The following POM121C variants were observed in gnomAD, a reference collection of about 807,000 sequenced individuals.
The protein encoded by POM121C is nuclear envelope pore membrane protein POM 121C.
POM121C carries 20 observed loss-of-function variants against 66.4 expected under a neutral mutation model. The observed-to-expected ratio is 0.30, with a 90% CI of 0.21 to 0.44. POM121C has a LOEUF of 0.44. Ranked by LOEUF, POM121C falls within the 20% of genes least tolerant of loss-of-function variation. The pLI is 1.00. For missense variants in POM121C, 580 were observed against 1,225.7 expected, an observed-to-expected ratio of 0.47 and a Z score of 7.87; for synonymous variants, 286 against 528.0, an observed-to-expected ratio of 0.54 and a Z score of 6.28.
chr7:75,483,938 T>TA (rs1792407659), intron 1 of POM121C, among the ~76,000 whole-genome samples: 1 of 152,028 alleles, frequency 6.6e-6, no homozygotes, highest in Non-Finnish European at 1.5e-5. Context: ...CCATCTCTTC[T>TA]AAAAATACAA....
At chr7:75,455,357 C>T (rs1386846300) in intron 3 of POM121C, among the ~76,000 whole-genome samples, 11 of 152,256 alleles carry the variant, frequency 7.2e-5, no homozygotes, top group Admixed American at 3.9e-4. Context: ...TACAGTGGCG[C>T]GATCTCGGCT....
At chr7:75,456,680 G>C (rs1554476330) in intron 3 of POM121C, among the ~76,000 whole-genome samples, 1 of 152,280 alleles carries the variant, frequency 6.6e-6, no homozygotes, top group Non-Finnish European at 1.5e-5. Context: ...CAAATGGGTA[G>C]GATGTTTCAT....
At chr7:75,454,423 A>G (rs1176493942) in intron 3 of POM121C, among the ~76,000 whole-genome samples, 17 of 151,710 alleles carry the variant, frequency 1.1e-4, no homozygotes, top group South Asian at 4.2e-4. Context: ...CAGTATGATG[A>G]CAATACAGAG....
chr7:75,477,110 T>TACACACACACACACACAC lies in POM121C; in HGVS notation c.-457-1940_-457-1923dup, dbSNP rs57918412. On this transcript the variant is annotated intron_variant, in intron 1 of 14. Coordinates refer to ENST00000615331, the MANE Select transcript of POM121C (RefSeq NM_001099415.3). ...AGCACATATATACAGTTTGCGTGTATACACACACACACACACACACACACT... is the reference window on the plus strand; with the variant it reads ...AGCACATATATACAGTTTGCGTGTATACACACACACACACACACACACACACACACACACACACACACT... 3.5e-3 allele frequency among the ~76,000 whole-genome samples: 499 copies of TACACACACACACACACAC among 140,672 alleles called. 2 individuals carry two copies. The highest frequency in any genetic ancestry group is 0.018 in the Middle Eastern group (5 of 278). The allele number at this position is 140,672 out of a possible 152,430, so 92.3% of individuals were successfully genotyped here. A position where few individuals can be genotyped will look rare whatever the true frequency, so the allele number is the denominator to read the frequency against.
chr7:75,434,442 A>T (rs78142589), intron 7 of POM121C, among the ~76,000 whole-genome samples: 1 of 151,558 alleles, frequency 6.6e-6, no homozygotes, highest in Non-Finnish European at 1.5e-5. Flanking sequence ...ACCTGGTTAA[A>T]TTTTTTGTAT....
chr7:75,431,603 CAAAAAAAAAA>C (rs71098029), intron 7 of POM121C, among the ~76,000 whole-genome samples: 1 of 50,756 alleles, frequency 2.0e-5, no homozygotes, highest in Non-Finnish European at 3.3e-5. Flanking sequence ...AACTCCGTCT[CAAAAAAAAAA>C]AAAAAAAAAA....
rs114405147 is a variant in POM121C at position 75,424,536 on chromosome 7, C to T, written c.861G>A (p.Glu287=). Reference sequence around the variant, plus strand: ...ATCTGTGCTCCTTACCACTCTTGTCCTCCAAGGCCTGGTTGAACCACTGTA... The same window carrying T: ...ATCTGTGCTCCTTACCACTCTTGTCTTCCAAGGCCTGGTTGAACCACTGTA... ...ASLQWFNQAL[E]DKSDAASNSV... The change falls in exon 11 of 15, where the codon GAG becomes GAA. Residue 287 remains glutamate, a synonymous_variant. Coordinates refer to ENST00000615331, the MANE Select transcript of POM121C (RefSeq NM_001099415.3). 1.2e-3 allele frequency: 1,947 copies of T among 1,613,928 alleles called. 20 individuals carry two copies. In the African/African-American group the frequency reaches 0.019, roughly 16 times the overall value.
At chr7:75,438,442 T>G (rs1189228274) in intron 6 of POM121C, among the ~76,000 whole-genome samples, 1 of 152,220 alleles carries the variant, frequency 6.6e-6, no homozygotes, top group African/African-American at 2.4e-5. Context: ...TTTTCTCCTC[T>G]GGGTTAATAC....
chr7:75,438,165 T>C (rs1315473381), intron 6 of POM121C, among the ~76,000 whole-genome samples: 2 of 152,204 alleles, frequency 1.3e-5, no homozygotes, highest in Non-Finnish European at 2.9e-5. Context: ...AAACCTCCAA[T>C]GGAAACAGAA....
chr7:75,427,852 C>T (rs1260783110), intron 7 of POM121C, among the ~76,000 whole-genome samples: 3 of 152,096 alleles, frequency 2.0e-5, no homozygotes, highest in Admixed American at 6.6e-5. Context: ...AAGCTTCAGA[C>T]AAGTGGTAAG....
intron 1 of POM121C, among the ~76,000 whole-genome samples, chr7:75,479,580 C>T (rs1276180462): frequency 1.4e-5 from 2 of 146,152 alleles, no homozygotes; most frequent in African/African-American, 2.8e-5. Context: ...AGCACCCCTG[C>T]ACTCCAGCCT....
intron 5 of POM121C, 37 bp downstream of exon 5, chr7:75,440,917 G>T: frequency 1.2e-6 from 2 of 1,613,790 alleles, no homozygotes; most frequent in Non-Finnish European, 1.7e-6. Context: ...AGGGGTCCAA[G>T]CGGGAAACTG....
chr7:75,422,145 G>A lies in POM121C; in HGVS notation c.2107C>T (p.Pro703Ser), dbSNP rs782674561. Residue 703 changes from proline (P) to serine (S), a missense_variant, in exon 13 of 15, where the codon CCC (proline) becomes TCC (serine). Coordinates refer to ENST00000615331, the MANE Select transcript of POM121C (RefSeq NM_001099415.3). ...SPLPSYPGANPQPAFGAAEGQ... is the reference protein window; with the variant it reads ...SPLPSYPGANSQPAFGAAEGQ... The stretch of plus-strand genomic sequence containing the variant: ...TCAGCGGCCCCAAATGCGGGCTGGG[G>A]GTTGGCTCCCGGATATGATGGGAGC... 327 of 1,601,074 alleles carry A rather than the reference G, an allele frequency of 2.0e-4. No homozygotes were observed. The highest frequency in any genetic ancestry group is 2.6e-4 in the Non-Finnish European group (305 of 1,172,238).
chr7:75,473,080 G>A (rs1168844790), intron 3 of POM121C, among the ~76,000 whole-genome samples: 3 of 152,148 alleles, frequency 2.0e-5, no homozygotes, highest in Non-Finnish European at 4.4e-5. Flanking sequence ...ATCAAATAGT[G>A]GGAGGTGAGG....
chr7:75,461,373 C>G (rs1791436354), intron 3 of POM121C, among the ~76,000 whole-genome samples: 1 of 152,150 alleles, frequency 6.6e-6, no homozygotes, highest in Non-Finnish European at 1.5e-5. Flanking sequence ...GGTACACATT[C>G]TTTGCCCATG....
At chr7:75,442,857 T>C in intron 3 of POM121C, 2 of 1,094,562 alleles carry the variant, frequency 1.8e-6, no homozygotes, top group Non-Finnish European at 2.3e-6. Flanking sequence ...GACACAGCTG[T>C]TTTGGAAAAT....
chr7:75,465,752 CAAAAAAAAA>C (rs1172095677), intron 3 of POM121C, among the ~76,000 whole-genome samples: 1 of 84,260 alleles, frequency 1.2e-5, no homozygotes, highest in South Asian at 3.6e-4. Flanking sequence ...GACTCCATCT[CAAAAAAAAA>C]AAAAAAAATT....
chr7:75,435,925 C>T (rs1323659586), intron 7 of POM121C, among the ~76,000 whole-genome samples: 1 of 152,126 alleles, frequency 6.6e-6, no homozygotes, highest in Non-Finnish European at 1.5e-5. Context: ...GTGGCCAGAG[C>T]CTGTAATCCC....
intron 1 of POM121C, among the ~76,000 whole-genome samples, chr7:75,482,100 T>G (rs1411746333): frequency 5.3e-5 from 8 of 151,900 alleles, no homozygotes; most frequent in Admixed American, 2.6e-4. Flanking sequence ...CAAGATATTT[T>G]TAAAAAATGT....
Sources: allele counts gnomAD v4.1 joint callset (sites outside exome capture counted in the v4.1 genomes callset), GRCh38; gene constraint gnomAD v4.1.1; transcripts MANE v1.5; gene names NCBI Gene and HGNC (gene_info 2026-07-23, HGNC 2026-07-21).